DRG2: variants seen among roughly 807,000 people sequenced by gnomAD.
DRG2 encodes developmentally-regulated GTP-binding protein 2.
DRG2 carries 36 observed loss-of-function variants against 53.4 expected under a neutral mutation model. The ratio of observed to expected loss-of-function variants is 0.67; its 90% CI spans 0.52 to 0.89. DRG2 has a LOEUF of 0.89. Among genes scored for constraint, DRG2 ranks in the 40% least tolerant of loss-of-function variants. The pLI, the probability that DRG2 is intolerant of heterozygous loss-of-function variation, is 0.00. For missense variants in DRG2, 342 were observed against 481.2 expected (o/e 0.71, Z 2.71); for synonymous variants, 167 against 192.1 (o/e 0.87, Z 1.08).
chr17:18,100,681 G>T lies in DRG2; in HGVS notation c.631+22G>T, dbSNP rs745379735. On this transcript the variant is annotated intron_variant, in intron 7 of 12. Coordinates refer to ENST00000225729, the MANE Select transcript of DRG2 (RefSeq NM_001388.5). The surrounding 1 kb of genome is among the most constrained non-coding windows in gnomAD (Gnocchi z 4.1). ...TACAGTATCCTTCCCTGAAAGACAC[G>T]TGAAGGAGGGCAGCCACCACCGTCA... 15 of 1,603,736 alleles carry T rather than the reference G, an allele frequency of 9.4e-6. No homozygotes were observed. The highest frequency in any genetic ancestry group is 1.3e-5 in the Non-Finnish European group (15 of 1,175,074).
At position 18,107,284 on chromosome 17, in the gene DRG2, G is replaced by C; in HGVS notation, c.*44G>C. 6.3e-7 allele frequency: 1 copy of C among 1,593,696 alleles called. No homozygotes were observed. The highest frequency in any genetic ancestry group is 8.6e-7 in the Non-Finnish European group (1 of 1,166,314). On this transcript the variant is annotated 3_prime_UTR_variant, in exon 13 of 13. Coordinates refer to ENST00000225729, the MANE Select transcript of DRG2 (RefSeq NM_001388.5). ...CCGCCCACCTGCCTCGTCTCCCTGG[G>C]GAGGTGGTCCCACTGGGACACACAA...
chr17:18,104,340 C>G (rs536463589), intron 10 of DRG2, among the ~76,000 whole-genome samples: 1 of 152,210 alleles, frequency 6.6e-6, no homozygotes, highest in Non-Finnish European at 1.5e-5. Context: ...GCGCCCTGCC[C>G]GTTCAGTCCA....
chr17:18,098,430 C>G lies in DRG2; in HGVS notation c.315+71C>G. The G allele has an allele frequency of 4.3e-6, 6 of 1,399,862 alleles. No individual in the cohort carries two copies. Among genetic ancestry groups the G allele is most frequent in the Non-Finnish European group, 6.1e-6 (6 of 988,476 alleles). 86.7% of individuals were successfully genotyped at this position (1,399,862 alleles called of 1,614,324 possible). On this transcript the variant is annotated intron_variant, in intron 3 of 12. Transcript: ENST00000225729. The surrounding 1 kb of genome is among the most constrained non-coding windows in gnomAD (Gnocchi z 4.1). The stretch of plus-strand genomic sequence containing the variant: ...TGTTTGGACTTGTGCCTGTGCCCAC[C>G]CTGTGTGTGAGTCTGGGTGGATGTC...
chr17:18,101,645 T>C lies in DRG2; in HGVS notation c.729+55T>C, dbSNP rs371075045. On this transcript the variant is annotated intron_variant, in intron 8 of 12. Coordinates refer to ENST00000225729, the MANE Select transcript of DRG2 (RefSeq NM_001388.5). ...CCACTCGGCCTTTCTACCACATGCA[T>C]TTCCTCAGCTCCCGGAACCTTGTGA... The C allele has an allele frequency of 3.8e-5, 58 of 1,542,788 alleles. No homozygotes were observed. In the East Asian group the frequency reaches 7.4e-4, roughly 20 times the overall value.
Position 18,107,502 on chromosome 17 carries a change from C to A in DRG2, c.*262C>A, listed in dbSNP as rs1016372600. The A allele has an allele frequency of 1.1e-5, 6 of 522,522 alleles. No individual in the cohort carries two copies. The African/African-American group carries it at 1.2e-4, about 10-fold the overall frequency. The allele number at this position is 522,522 out of a possible 1,614,324, so 32.4% of individuals were successfully genotyped here. On this transcript the variant is annotated 3_prime_UTR_variant, in exon 13 of 13. Transcript: ENST00000225729. The stretch of plus-strand genomic sequence containing the variant: ...TTGTAGTGCTGAGCCTGCATCTGTG[C>A]CTCCCAGCCCCCTGCACTGAGGGAG...
intron 1 of DRG2, chr17:18,092,175 AAAAG>A (rs1463460166): frequency 3.3e-5 from 5 of 151,544 alleles, no homozygotes; most frequent in Non-Finnish European, 7.3e-5. Flanking sequence ...GAAAAGGAAA[AAAAG>A]AAAGGCCAGG....
At position 18,103,858 on chromosome 17, in the gene DRG2, C is replaced by T. The variant is rs770525501; in HGVS notation, c.864C>T (p.Ala288=). The T allele has an allele frequency of 6.2e-7, 1 of 1,611,458 alleles. No individual in the cohort carries two copies. The highest frequency in any genetic ancestry group is 8.5e-7 in the Non-Finnish European group (1 of 1,178,934). The change falls in exon 10 of 13, where the codon GCC becomes GCT. Residue 288 remains alanine, a synonymous_variant. Coordinates refer to ENST00000225729, the MANE Select transcript of DRG2 (RefSeq NM_001388.5). This position sits in a 1 kb window ranked among gnomAD's most constrained non-coding sequence, Gnocchi z 4.4. ...TGGAGATGCTTTGGGAGTACTTGGC[C>T]CTGACCTGCATCTACACCAAGAAGA... ...YLLEMLWEYL[A]LTCIYTKKRG...
Position 18,090,368 on chromosome 17 carries a change from T to TTATTTATATATATATATA in DRG2, c.64+2284_64+2285insTTATATATATATATATAT, listed in dbSNP as rs1258672077. On this transcript the variant is annotated intron_variant, in intron 1 of 12. Coordinates refer to ENST00000225729, the MANE Select transcript of DRG2 (RefSeq NM_001388.5). ...GTGTGCACCACCACACCGGGCTAAT[T>TTATTTATATATATATATA]TATATATATATATATATATATATAT... 1.6e-3 allele frequency among the ~76,000 whole-genome samples: 41 copies of TTATTTATATATATATATA among 25,508 alleles called. 3 individuals are homozygous for TTATTTATATATATATATA. Among genetic ancestry groups the TTATTTATATATATATATA allele is most frequent in the Non-Finnish European group, 2.4e-3 (32 of 13,116 alleles). The allele number at this position is 25,508 out of a possible 152,430, so 16.7% of individuals were successfully genotyped here. A position where few individuals can be genotyped will look rare whatever the true frequency, so the allele number is the denominator to read the frequency against.
intron 1 of DRG2, among the ~76,000 whole-genome samples, chr17:18,092,530 T>C (rs1409099166): frequency 6.6e-6 from 1 of 152,174 alleles, no homozygotes; most frequent in Non-Finnish European, 1.5e-5. Flanking sequence ...CATAGGGTCC[T>C]GGTTCTCAGT....
At chr17:18,090,368 T>TTATTTATTTATA (rs1258672077) in intron 1 of DRG2, among the ~76,000 whole-genome samples, 4 of 25,518 alleles carry the variant, frequency 1.6e-4, no homozygotes, top group African/African-American at 5.5e-4. Context: ...CCGGGCTAAT[T>TTATTTATTTATA]TATATATATA....
intron 1 of DRG2, among the ~76,000 whole-genome samples, chr17:18,088,295 A>G (rs970347525): frequency 3.3e-5 from 5 of 152,242 alleles, no homozygotes; most frequent in African/African-American, 1.2e-4. Context: ...ACGTACCCCA[A>G]GAGATCTGGT....
At chr17:18,091,077 C>G (rs565052391) in intron 1 of DRG2, among the ~76,000 whole-genome samples, 1 of 152,280 alleles carries the variant, frequency 6.6e-6, no homozygotes, top group East Asian at 1.9e-4. Context: ...GGGATCCAGT[C>G]CCATTTCCTG....
In DRG2 at chr17:18,101,548, C is replaced by T. The variant is rs34767270; in HGVS notation, c.687C>T (p.Ile229=). ...AAGACTGCTCCCCGGACGAGTTCAT[C>T]GATGTGATCGTGGGCAACCGGGTGT... ...FREDCSPDEF[I]DVIVGNRVYM... The change falls in exon 8 of 13, where the codon ATC becomes ATT. Residue 229 remains isoleucine (I), a synonymous_variant. Transcript: ENST00000225729. 532 of 1,614,148 alleles carry T rather than the reference C, an allele frequency of 3.3e-4. 2 individuals are homozygous for T. The African/African-American group carries it at 6.3e-3, about 19-fold the overall frequency.
intron 8 of DRG2, 149 bp from the exon 9 acceptor site, chr17:18,101,772 A>C (rs1191549181): frequency 3.5e-6 from 4 of 1,134,276 alleles, no homozygotes; most frequent in Non-Finnish European, 5.0e-6. Context: ...GTTCCAGCCC[A>C]GCCTTCCCAA....
chr17:18,098,459 A>G lies in DRG2; in HGVS notation c.315+100A>G. The G allele has an allele frequency of 1.9e-6, 2 of 1,064,952 alleles. No individual in the cohort carries two copies. Among genetic ancestry groups the G allele is most frequent in the Non-Finnish European group, 2.9e-6 (2 of 692,560 alleles). 66.0% of individuals were successfully genotyped at this position (1,064,952 alleles called of 1,614,324 possible). On this transcript the variant is annotated intron_variant, in intron 3 of 12. Transcript: ENST00000225729. This position sits in a 1 kb window ranked among gnomAD's most constrained non-coding sequence, Gnocchi z 4.1. ...TGTGTGAGTCTGGGTGGATGTCCCC[A>G]TGTCAGGACAGGCTCTGGACTGAGC...
chr17:18,090,383 TATATATATATATA>T (rs2045300182), intron 1 of DRG2, among the ~76,000 whole-genome samples: 6 of 34,666 alleles, frequency 1.7e-4, no homozygotes, highest in African/African-American at 2.9e-4. Context: ...TATATATATA[TATATATATATATA>T]TATATATATA....
rs113511493 is a variant in DRG2, at chr17:18,104,332, G to A, written c.896-291G>A. Among the ~76,000 whole-genome samples the A allele has an allele frequency of 1.7e-3, 260 of 152,344 alleles. 2 individuals are homozygous for A. Among genetic ancestry groups the A allele is most frequent in the African/African-American group, 6.0e-3 (248 of 41,576 alleles). On this transcript the variant is annotated intron_variant, in intron 10 of 12. Coordinates refer to ENST00000225729, the MANE Select transcript of DRG2 (RefSeq NM_001388.5). ...TCACTAGACTCCAGCATCCCTTTGCGCCCTGCCCGTTCAGTCCAGGTCCTG... is the reference window on the plus strand; with the variant it reads ...TCACTAGACTCCAGCATCCCTTTGCACCCTGCCCGTTCAGTCCAGGTCCTG...
rs1020060273 is a variant in DRG2, at chr17:18,102,104, G to A, written c.806+107G>A. 1.4e-4 allele frequency: 166 copies of A among 1,155,292 alleles called. No individual in the cohort carries two copies. In the South Asian group the frequency reaches 2.0e-3, roughly 14 times the overall value. 71.6% of individuals were successfully genotyped at this position (1,155,292 alleles called of 1,614,324 possible). On this transcript the variant is annotated intron_variant, in intron 9 of 12. Coordinates refer to ENST00000225729, the MANE Select transcript of DRG2 (RefSeq NM_001388.5). ...CTGTGGAGGAGGAAAAGCCAGCACAGCCTCCAGCAGCACACAGCCGTCACG... is the reference window on the plus strand; with the variant it reads ...CTGTGGAGGAGGAAAAGCCAGCACAACCTCCAGCAGCACACAGCCGTCACG...
chr17:18,106,732 C>T (rs1191917577), intron 12 of DRG2, among the ~76,000 whole-genome samples: 3 of 149,264 alleles, frequency 2.0e-5, no homozygotes, highest in African/African-American at 7.5e-5. Flanking sequence ...GCTCTGTCTC[C>T]CACGCTGGAG....
Sources: allele counts gnomAD v4.1 joint callset (sites outside exome capture counted in the v4.1 genomes callset), GRCh38; gene constraint gnomAD v4.1.1; non-coding constraint Gnocchi (gnomAD v3.1); transcripts MANE v1.5; gene names NCBI Gene and HGNC (gene_info 2026-07-23, HGNC 2026-07-21).